The following RASSF1 variants were observed in gnomAD, a reference collection of about 807,000 sequenced individuals.
RASSF1 encodes ras association domain-containing protein 1.
RASSF1 carries 33 observed loss-of-function variants against 34.3 expected under a neutral mutation model. The observed-to-expected ratio is 0.96, with a 90% CI of 0.73 to 1.29. The LOEUF is 1.29. Among genes scored for constraint, RASSF1 ranks in the 50% most tolerant of loss-of-function variants. The probability of loss-of-function intolerance (pLI) is 0.00; values close to 1 mark genes in which losing one functional copy is unlikely to be tolerated. For synonymous variants in RASSF1, 191 were observed against 195.0 expected, an observed-to-expected ratio of 0.98 and a Z score of 0.17; for missense variants, 445 against 471.8, an observed-to-expected ratio of 0.94 and a Z score of 0.53.
intron 2 of RASSF1, among the ~76,000 whole-genome samples, chr3:50,333,267 A>G (rs1044221711): frequency 2.0e-5 from 3 of 152,192 alleles, no homozygotes; most frequent in Non-Finnish European, 2.9e-5. Context: ...GGTGCACATC[A>G]GTAGTCCAGC....
At position 50,330,209 on chromosome 3, in the gene RASSF1, T is replaced by A; in HGVS notation, c.*372A>T. ...ATTCAAGATCCAAAACCTTTCCTCA[T>A]AGATGAGGGCCGTCACCCCTGCAAA... On this transcript the variant is annotated 3_prime_UTR_variant, in exon 6 of 6. Transcript: ENST00000359365. The surrounding 1 kb of genome is among the most constrained non-coding windows in gnomAD (Gnocchi z 4.5). 1 of 189,352 alleles carries A rather than the reference T, an allele frequency of 5.3e-6. No homozygotes were observed. Among genetic ancestry groups the A allele is most frequent in the Non-Finnish European group, 1.1e-5 (1 of 90,720 alleles). 11.7% of individuals were successfully genotyped at this position (189,352 alleles called of 1,614,324 possible).
At position 50,331,695 on chromosome 3, in the gene RASSF1, C is replaced by T; in HGVS notation, c.624G>A (p.Lys208=). 6.2e-7 allele frequency: 1 copy of T among 1,613,264 alleles called. No homozygotes were observed. Among genetic ancestry groups the T allele is most frequent in the Non-Finnish European group, 8.5e-7 (1 of 1,179,426 alleles). The change falls in exon 4 of 6, where the codon AAG becomes AAA. Residue 208 remains lysine (K), a synonymous_variant. Coordinates refer to ENST00000359365, the MANE Select transcript of RASSF1 (RefSeq NM_007182.5). ...GCACATGCAGGTGCTTGACAGCATC[C>T]TTGGGCAGGTAAAAGGAAGTGCGGC... is the stretch of plus-strand genomic sequence containing the variant. ...VRRRTSFYLP[K]DAVKHLHVLS...
chr3:50,331,465 A>G lies in RASSF1; in HGVS notation c.761-16T>C. 6.3e-7 allele frequency: 1 copy of G among 1,580,538 alleles called. No individual in the cohort carries two copies. Among genetic ancestry groups the G allele is most frequent in the East Asian group, 2.3e-5 (1 of 44,172 alleles). ...CGCAAGTACACTGTGAAGGGGAAGT[A>G]ATGATCAGAGACAGGGCCAGCTGCT... On this transcript the variant is annotated splice_polypyrimidine_tract_variant and intron_variant, in intron 4 of 5. Transcript: ENST00000359365.
At chr3:50,337,430 C>G in intron 2 of RASSF1, 2 of 1,578,822 alleles carry the variant, frequency 1.3e-6, no homozygotes, top group African/African-American at 2.7e-5. Context: ...GGGCCAGAGC[C>G]GCGCCGCAAC....
chr3:50,338,095 G>C, intron 1 of RASSF1, 84 bp from the exon 2 acceptor site: 1 of 1,514,780 alleles, frequency 6.6e-7, no homozygotes. Flanking sequence ...CAGGGAGAGG[G>C]CCGCTGCTCG....
chr3:50,338,037 G>A lies in RASSF1; in HGVS notation c.251-26C>T, dbSNP rs1317710530. On this transcript the variant is annotated intron_variant, in intron 1 of 5. Transcript: ENST00000359365. ...CTGCAGAGAGGCCTGGCGGTGAGGC[G>A]GAGGAGCTCCAGGTCGGGGAAATGT... The A allele has an allele frequency of 2.6e-6, 4 of 1,557,966 alleles. No homozygotes were observed. In the East Asian group the frequency reaches 7.1e-5, roughly 28 times the overall value.
chr3:50,337,883 A>G, intron 2 of RASSF1, 22 bp downstream of exon 2: 1 of 1,557,686 alleles, frequency 6.4e-7, no homozygotes, highest in Non-Finnish European at 8.8e-7. Flanking sequence ...CCCTTCCCAT[A>G]CGCCCTCGGC....
chr3:50,337,647 C>T (rs1703204421), intron 2 of RASSF1: 2 of 909,664 alleles, frequency 2.2e-6, no homozygotes, highest in Non-Finnish European at 1.6e-6. Context: ...GAGGCGAGGG[C>T]GGGAAGGTGC....
At chr3:50,338,230 G>A (rs587767280) in intron 1 of RASSF1, 135 of 1,379,986 alleles carry the variant, frequency 9.8e-5, no homozygotes, top group Non-Finnish European at 1.2e-4. Context: ...CTGCTCAACA[G>A]TTGGATCTCT....
At chr3:50,339,522 C>T (rs939948205) in intron 1 of RASSF1, among the ~76,000 whole-genome samples, 23 of 151,662 alleles carry the variant, frequency 1.5e-4, no homozygotes, top group East Asian at 5.8e-4. Flanking sequence ...CCCGCCACTA[C>T]GCCTGGCTCA....
chr3:50,332,746 C>T (rs587608778), intron 2 of RASSF1, among the ~76,000 whole-genome samples: 1 of 152,104 alleles, frequency 6.6e-6, no homozygotes, highest in African/African-American at 2.4e-5. Context: ...AAGCTATTAT[C>T]GTGTCACTGC....
chr3:50,339,360 C>CTTTTTTTT (rs1017192174), intron 1 of RASSF1, among the ~76,000 whole-genome samples: 28 of 104,448 alleles, frequency 2.7e-4, no homozygotes, highest in African/African-American at 4.6e-4. Flanking sequence ...CAGCCTTGTT[C>CTTTTTTTT]TTTTTTTTTT....
intron 5 of RASSF1, 48 bp downstream of exon 5, chr3:50,331,286 A>T (rs369547961): frequency 7.4e-7 from 1 of 1,346,640 alleles, no homozygotes; most frequent in African/African-American, 1.5e-5. Flanking sequence ...GCTACAGCCC[A>T]TCAGTCCTGT....
intron 1 of RASSF1, 171 bp from the exon 2 acceptor site, chr3:50,338,182 C>T (rs587683090): frequency 1.4e-6 from 2 of 1,410,944 alleles, no homozygotes; most frequent in South Asian, 1.6e-5. Flanking sequence ...GCCACCTGGG[C>T]GTCTGGAAAC....
intron 2 of RASSF1, among the ~76,000 whole-genome samples, chr3:50,335,313 CTTTTTTTTTTTT>C (rs906428880): frequency 3.7e-5 from 4 of 107,974 alleles, no homozygotes; most frequent in Admixed American, 1.1e-4. Flanking sequence ...CCTATTCTTT[CTTTTTTTTTTTT>C]TTTTTTTTTG....
At chr3:50,337,485 A>G in intron 2 of RASSF1, 1 of 1,541,728 alleles carries the variant, frequency 6.5e-7, no homozygotes, top group Middle Eastern at 1.7e-4. Flanking sequence ...CTCTTGTCTC[A>G]TTGGGGCAGG....
At chr3:50,337,525 C>A in intron 2 of RASSF1, 1 of 1,516,944 alleles carries the variant, frequency 6.6e-7, no homozygotes, top group South Asian at 1.2e-5. Flanking sequence ...GCACGCTTCG[C>A]CCCCAGGAAT....
At chr3:50,337,470 T>C in intron 2 of RASSF1, 2 of 1,553,246 alleles carry the variant, frequency 1.3e-6, no homozygotes, top group Non-Finnish European at 1.7e-6. Flanking sequence ...ATCGCCGGGA[T>C]CTAGCTCTTG....
intron 2 of RASSF1, among the ~76,000 whole-genome samples, chr3:50,332,786 T>C (rs948450662): frequency 1.3e-5 from 2 of 150,684 alleles, no homozygotes; most frequent in Non-Finnish European, 3.0e-5. Context: ...AGTGAGACCC[T>C]GCTTCAAAAC....
Sources: allele counts gnomAD v4.1 joint callset (sites outside exome capture counted in the v4.1 genomes callset), GRCh38; gene constraint gnomAD v4.1.1; non-coding constraint Gnocchi (gnomAD v3.1); transcripts MANE v1.5; gene names NCBI Gene and HGNC (gene_info 2026-07-23, HGNC 2026-07-21).